Variants in DLC1 observed in about 807,000 individuals in gnomAD.
DLC1 encodes the protein rho GTPase-activating protein 7.
DLC1 carries 54 observed loss-of-function variants against 140.3 expected under a neutral mutation model. That is an observed-to-expected ratio of 0.38 (90% CI 0.31 to 0.48). DLC1 has a LOEUF of 0.48. DLC1 is among the 20% of genes least tolerant of loss of function. DLC1 has a pLI of 0.96. For synonymous variants in DLC1, 986 were observed against 728.1 expected (o/e 1.35, Z -5.70); for missense variants, 2,536 against 1,907.0 (o/e 1.33, Z -6.14).
At chr8:13,365,936 C>T (rs1315235814) in intron 4 of DLC1, among the ~76,000 whole-genome samples, 1 of 152,134 alleles carries the variant, frequency 6.6e-6, no homozygotes. Flanking sequence ...TGGAAAAATG[C>T]TTTCATCTTC....
chr8:13,175,052 A>C (rs1825683717), intron 5 of DLC1, among the ~76,000 whole-genome samples: 6 of 152,132 alleles, frequency 3.9e-5, no homozygotes. Context: ...ATACAGTGAA[A>C]GGTAGGGGTC....
chr8:13,200,930 C>T (rs1023020187), intron 5 of DLC1, among the ~76,000 whole-genome samples: 2 of 152,088 alleles, frequency 1.3e-5, no homozygotes, highest in African/African-American at 4.8e-5. Context: ...ATTATAGAAC[C>T]TAGGTTTGGC....
chr8:13,290,692 T>A (rs1483522838), intron 5 of DLC1, among the ~76,000 whole-genome samples: 1 of 152,124 alleles, frequency 6.6e-6, no homozygotes, highest in Non-Finnish European at 1.5e-5. Context: ...AATTGCTGAA[T>A]AGTGGATATC....
intron 5 of DLC1, among the ~76,000 whole-genome samples, chr8:13,173,189 T>TA (rs1445643451): frequency 6.6e-6 from 1 of 152,194 alleles, no homozygotes; most frequent in Non-Finnish European, 1.5e-5. Context: ...ATGAGAGGTT[T>TA]GGCTTCTTGC....
intron 1 of DLC1, among the ~76,000 whole-genome samples, chr8:13,585,465 AG>A (rs1805267178): frequency 6.6e-6 from 1 of 152,222 alleles, no homozygotes; most frequent in Admixed American, 6.5e-5. Flanking sequence ...AACAAACCAC[AG>A]GGTAGCAGCC....
At chr8:13,479,083 G>A (rs75592092) in intron 2 of DLC1, among the ~76,000 whole-genome samples, 1 of 152,074 alleles carries the variant, frequency 6.6e-6, no homozygotes, top group Non-Finnish European at 1.5e-5. Flanking sequence ...CCCCTTAGTT[G>A]GTTTACTGTT....
chr8:13,371,978 A>G (rs1563292487), intron 4 of DLC1, among the ~76,000 whole-genome samples: 1 of 152,196 alleles, frequency 6.6e-6, no homozygotes, highest in Non-Finnish European at 1.5e-5. Context: ...CTGTGGCTCT[A>G]TAATGGTACC....
chr8:13,189,997 A>G (rs1286181777), intron 5 of DLC1, among the ~76,000 whole-genome samples: 2 of 152,188 alleles, frequency 1.3e-5, no homozygotes, highest in Non-Finnish European at 2.9e-5. Context: ...TCCAAAAGAC[A>G]TATGATGAAG....
rs746456779 is a variant in DLC1 at position 13,132,994 on chromosome 8, C to A, written c.1349-17337G>T. 8 of 1,608,686 alleles carry A rather than the reference C, an allele frequency of 5.0e-6. No individual in the cohort carries two copies. In the South Asian group the frequency reaches 7.8e-5, roughly 16 times the overall value. ...CTTTCTGCACATCAAGCACGGCAGGCGGCGGCGGAAGCGCTGTGGGGAAGT... is the reference window on the plus strand; with the variant it reads ...CTTTCTGCACATCAAGCACGGCAGGAGGCGGCGGAAGCGCTGTGGGGAAGT... On this transcript the variant is annotated intron_variant, in intron 5 of 17. Transcript: ENST00000276297.
intron 1 of DLC1, chr8:13,567,043 C>T (rs1346144753): frequency 3.2e-6 from 5 of 1,551,456 alleles, no homozygotes; most frequent in Non-Finnish European, 3.5e-6. Context: ...TCTTGCAAAC[C>T]TTTCTGATGA....
At chr8:13,506,556 C>T (rs1183565920) in intron 1 of DLC1, among the ~76,000 whole-genome samples, 1 of 84,774 alleles carries the variant, frequency 1.2e-5, no homozygotes, top group African/African-American at 4.7e-5. Context: ...CACACACACA[C>T]ACACACACAC....
intron 1 of DLC1, chr8:13,567,303 C>T (rs1309439924): frequency 1.3e-6 from 2 of 1,551,740 alleles, no homozygotes; most frequent in Admixed American, 2.0e-5. Context: ...ACCAACCAGA[C>T]ACCAAACTTC....
intron 2 of DLC1, among the ~76,000 whole-genome samples, chr8:13,497,929 G>A (rs1435035516): frequency 1.3e-5 from 2 of 152,080 alleles, no homozygotes; most frequent in Non-Finnish European, 2.9e-5. Context: ...ACTAACTCAC[G>A]ACACATTACT....
At chr8:13,280,977 C>T (rs1831346886) in intron 5 of DLC1, among the ~76,000 whole-genome samples, 1 of 152,182 alleles carries the variant, frequency 6.6e-6, no homozygotes, top group Non-Finnish European at 1.5e-5. Context: ...ATATATCTCC[C>T]TAAAATGCTG....
intron 2 of DLC1, among the ~76,000 whole-genome samples, chr8:13,428,775 C>A (rs1260468971): frequency 6.6e-6 from 1 of 152,120 alleles, no homozygotes; most frequent in Admixed American, 6.5e-5. Context: ...CTTGCTGTGA[C>A]TCCTTTGTGT....
chr8:13,573,582 A>G (rs936956152), intron 1 of DLC1, among the ~76,000 whole-genome samples: 2 of 152,122 alleles, frequency 1.3e-5, no homozygotes, highest in African/African-American at 4.8e-5. Context: ...GATTTTACTT[A>G]TGGGTTTTCA....
intron 4 of DLC1, chr8:13,340,778 C>A (rs1834004514): frequency 6.6e-6 from 1 of 152,186 alleles, no homozygotes; most frequent in African/African-American, 2.4e-5. Flanking sequence ...GCCATAAATT[C>A]CCTAATTCAT....
intron 5 of DLC1, chr8:13,132,912 C>G (rs953021918): frequency 1.9e-6 from 3 of 1,578,262 alleles, no homozygotes; most frequent in African/African-American, 2.7e-5. Flanking sequence ...CTCCCGCGGC[C>G]AGCCCGACGG....
chr8:13,379,866 A>G (rs550310889), intron 4 of DLC1, among the ~76,000 whole-genome samples: 1 of 152,314 alleles, frequency 6.6e-6, no homozygotes, highest in South Asian at 2.1e-4. Context: ...GAAACTGGAA[A>G]CCATCATTCT....
Sources: allele counts gnomAD v4.1 joint callset (sites outside exome capture counted in the v4.1 genomes callset), GRCh38; gene constraint gnomAD v4.1.1; transcripts MANE v1.5; gene names NCBI Gene and HGNC (gene_info 2026-07-23, HGNC 2026-07-21).